LYN: variants seen among roughly 807,000 people sequenced by gnomAD.
LYN encodes LYN proto-oncogene, Src family tyrosine kinase.
LYN carries 12 observed loss-of-function variants against 65.0 expected under a neutral mutation model. That is an observed-to-expected ratio of 0.18 (90% CI 0.12 to 0.30). The LOEUF (loss-of-function observed/expected upper bound fraction) is 0.30, where lower values mean the gene tolerates loss of function less well. Among genes scored for constraint, LYN ranks in the 10% least tolerant of loss-of-function variants. The probability of loss-of-function intolerance (pLI) is 1.00; values close to 1 mark genes in which losing one functional copy is unlikely to be tolerated. For missense variants in LYN, 380 were observed against 623.2 expected (o/e 0.61, Z 4.16); for synonymous variants, 222 against 221.2 (o/e 1.00, Z -0.03).
chr8:55,918,888 A>G (rs1805855494), intron 1 of LYN, among the ~76,000 whole-genome samples: 1 of 152,138 alleles, frequency 6.6e-6, no homozygotes, highest in East Asian at 1.9e-4. Flanking sequence ...GGTGGTACCC[A>G]GGGGAGGTGG....
intron 8 of LYN, among the ~76,000 whole-genome samples, chr8:55,965,198 C>T (rs900412954): frequency 4.6e-5 from 7 of 152,166 alleles, no homozygotes; most frequent in South Asian, 2.1e-4. Context: ...GGTGGTGCCT[C>T]GGGGGAACTA....
At chr8:55,881,649 G>A (rs974788811) in intron 1 of LYN, among the ~76,000 whole-genome samples, 3 of 152,216 alleles carry the variant, frequency 2.0e-5, no homozygotes, top group Admixed American at 1.3e-4. Flanking sequence ...TAAGGGGAGA[G>A]AAAGTAGGAG....
At chr8:55,933,903 G>A (rs1177084910) in intron 1 of LYN, among the ~76,000 whole-genome samples, 7 of 152,104 alleles carry the variant, frequency 4.6e-5, no homozygotes, top group East Asian at 1.9e-4. Flanking sequence ...GTCTACCTAC[G>A]GCTGTGCTTA....
At chr8:55,910,053 G>A (rs896782536) in intron 1 of LYN, among the ~76,000 whole-genome samples, 11 of 145,456 alleles carry the variant, frequency 7.6e-5, no homozygotes, top group Non-Finnish European at 1.2e-4. Flanking sequence ...TTAGTCCTCT[G>A]TCGAAGGCAT....
intron 10 of LYN, among the ~76,000 whole-genome samples, chr8:55,985,501 CTTTAAG>C (rs1315232835): frequency 3.3e-5 from 5 of 152,188 alleles, no homozygotes; most frequent in African/African-American, 4.8e-5. Context: ...TACAGATTTC[CTTTAAG>C]TTTGTCACAG....
chr8:55,929,285 G>A (rs894453324), intron 1 of LYN, among the ~76,000 whole-genome samples: 6 of 152,260 alleles, frequency 3.9e-5, no homozygotes, highest in East Asian at 3.9e-4. Context: ...TCTTTACTGC[G>A]TGAGATTAGT....
intron 10 of LYN, among the ~76,000 whole-genome samples, chr8:55,994,738 A>G (rs532052110): frequency 2.6e-5 from 4 of 152,216 alleles, no homozygotes; most frequent in Non-Finnish European, 4.4e-5. Flanking sequence ...CCCAGTTTAT[A>G]TATAATTATT....
intron 1 of LYN, among the ~76,000 whole-genome samples, chr8:55,913,900 G>A (rs1488667437): frequency 1.3e-5 from 2 of 152,162 alleles, no homozygotes; most frequent in Admixed American, 1.3e-4. Context: ...TTATGGCTGC[G>A]AGAGAGGATG....
At position 55,952,077 on chromosome 8, in the gene LYN, C is replaced by T. The variant is rs1261988146; in HGVS notation, c.599C>T (p.Thr200Ile). ...NGGYYISPRI[T>I]FPCISDMIKH... ...GGCTATTACATCTCTCCACGAATCA[C>T]TTTTCCCTGTATCAGCGACATGATT... Residue 200 changes from threonine (T) to isoleucine (I), a missense_variant, in exon 7 of 13, where the codon ACT (threonine) becomes ATT (isoleucine). By Grantham distance (89) the Thr-to-Ile change is moderately conservative. Transcript: ENST00000519728. 5 of 1,603,362 alleles carry T rather than the reference C, an allele frequency of 3.1e-6. No individual in the cohort carries two copies. In the Admixed American group the frequency reaches 8.9e-5, roughly 28 times the overall value.
Position 55,952,092 on chromosome 8 carries a change from G to A in LYN, c.614G>A (p.Ser205Asn). 1.9e-6 allele frequency: 3 copies of A among 1,595,856 alleles called. No homozygotes were observed. The highest frequency in any genetic ancestry group is 2.6e-6 in the Non-Finnish European group (3 of 1,174,896). Reference sequence around the variant, plus strand: ...CCACGAATCACTTTTCCCTGTATCAGCGACATGATTAAACATTACCAAAGT... The same window carrying A: ...CCACGAATCACTTTTCCCTGTATCAACGACATGATTAAACATTACCAAAGT... ...ISPRITFPCI[S>N]DMIKHYQKQA... The change falls in exon 7 of 13, where the codon AGC becomes AAC. Residue 205 changes from serine (S) to asparagine (N), a missense_variant. By Grantham distance (46) the Ser-to-Asn change is conservative. This residue lies in a region of LYN where 223 missense variants were observed against 430.0 expected (regional missense o/e 0.52). Coordinates refer to ENST00000519728, the MANE Select transcript of LYN (RefSeq NM_002350.4).
In LYN at chr8:55,919,314, A is replaced by G. The variant is rs1805877932; in HGVS notation, c.-5-22541A>G. Among the ~76,000 whole-genome samples, 2 of 152,194 alleles carry G rather than the reference A, an allele frequency of 1.3e-5. 1 individual carries two copies. Among genetic ancestry groups the G allele is most frequent in the South Asian group, 4.1e-4 (2 of 4,834 alleles). ...GTTTTGATTTTTGCCTTTTTAGGAA[A>G]TTGGGATATAATTTAGTGTTCGTAC... On this transcript the variant is annotated intron_variant, in intron 1 of 12. Coordinates refer to ENST00000519728, the MANE Select transcript of LYN (RefSeq NM_002350.4).
chr8:55,982,676 G>A (rs546036358), intron 10 of LYN, among the ~76,000 whole-genome samples: 2 of 152,184 alleles, frequency 1.3e-5, no homozygotes, highest in Admixed American at 1.3e-4. Flanking sequence ...GCACAGCCCT[G>A]TCATCATTCC....
chr8:55,905,134 G>A (rs978045946), intron 1 of LYN, among the ~76,000 whole-genome samples: 3 of 152,174 alleles, frequency 2.0e-5, no homozygotes, highest in African/African-American at 7.2e-5. Flanking sequence ...GACCTGGCTG[G>A]GTGTGGTGGC....
intron 10 of LYN, among the ~76,000 whole-genome samples, chr8:55,996,563 C>A (rs1808375942): frequency 6.6e-6 from 1 of 151,810 alleles, no homozygotes; most frequent in Non-Finnish European, 1.5e-5. Context: ...CTTCTTACTT[C>A]CCTCCTTTCC....
chr8:55,884,594 T>G (rs189631397), intron 1 of LYN, among the ~76,000 whole-genome samples: 2 of 152,124 alleles, frequency 1.3e-5, no homozygotes, highest in Non-Finnish European at 2.9e-5. Context: ...TAGCTGTGAT[T>G]ACAGGCGCCC....
At chr8:55,909,884 A>AT (rs1805547332) in intron 1 of LYN, among the ~76,000 whole-genome samples, 2 of 150,290 alleles carry the variant, frequency 1.3e-5, no homozygotes, top group African/African-American at 4.9e-5. Context: ...GATGTTGAGG[A>AT]TTTTTTTCAT....
chr8:55,934,468 C>T (rs113831648), intron 1 of LYN, among the ~76,000 whole-genome samples: 1 of 152,162 alleles, frequency 6.6e-6, no homozygotes. Flanking sequence ...CTGTGTATGC[C>T]GTTCACCGGC....
At chr8:55,888,815 G>A (rs143246295) in intron 1 of LYN, among the ~76,000 whole-genome samples, 87 of 151,810 alleles carry the variant, frequency 5.7e-4, no homozygotes, top group African/African-American at 2.0e-3. Flanking sequence ...CACTCACCAG[G>A]GATTTGGCCA....
intron 8 of LYN, among the ~76,000 whole-genome samples, chr8:55,962,008 T>C (rs1807295850): frequency 6.6e-6 from 1 of 152,228 alleles, no homozygotes; most frequent in Admixed American, 6.5e-5. Flanking sequence ...TATAGCTCAG[T>C]TTTGCTGTTT....
Sources: allele counts gnomAD v4.1 joint callset (sites outside exome capture counted in the v4.1 genomes callset), GRCh38; gene constraint gnomAD v4.1.1; regional missense constraint gnomAD v4.1.1; transcripts MANE v1.5; gene names NCBI Gene and HGNC (gene_info 2026-07-23, HGNC 2026-07-21).